Variants in SLC9A8 observed in about 807,000 individuals in gnomAD.
SLC9A8 encodes solute carrier family 9 member A8.
SLC9A8 carries 48 observed loss-of-function variants against 66.6 expected under a neutral mutation model. The observed-to-expected ratio is 0.72, with a 90% CI of 0.57 to 0.92. SLC9A8 has a LOEUF of 0.92. SLC9A8 is among the 40% of genes least tolerant of loss of function. SLC9A8 has a pLI of 0.00. For missense variants in SLC9A8, 599 were observed against 747.3 expected (o/e 0.80, Z 2.31); for synonymous variants, 274 against 282.6 (o/e 0.97, Z 0.31).
At chr20:49,866,183 C>T (rs907072802) in intron 10 of SLC9A8, among the ~76,000 whole-genome samples, 1 of 152,200 alleles carries the variant, frequency 6.6e-6, no homozygotes, top group Non-Finnish European at 1.5e-5. Flanking sequence ...TAAATGAAAT[C>T]ATGTGGTACG....
intron 3 of SLC9A8, among the ~76,000 whole-genome samples, chr20:49,831,657 G>A (rs1408314759): frequency 6.6e-6 from 1 of 152,192 alleles, no homozygotes; most frequent in Non-Finnish European, 1.5e-5. Context: ...GCCCAGATGA[G>A]CCAGACCAGA....
chr20:49,830,719 G>A (rs2087140740), intron 3 of SLC9A8: 1 of 699,334 alleles, frequency 1.4e-6, no homozygotes, highest in South Asian at 1.5e-5. Context: ...GGTGAAGTTG[G>A]CAACGCAGCC....
Position 49,884,084 on chromosome 20 carries a change from G to GT in SLC9A8, c.1491+19dup. On this transcript the variant is annotated intron_variant, in intron 14 of 15. Coordinates refer to ENST00000361573, the MANE Select transcript of SLC9A8 (RefSeq NM_015266.3). ...AGAAGATGGTTAGTACCATGCGCCT[G>GT]TGGGGGTGGGGCAGGGGGCTGGCCT... 1 of 1,608,862 alleles carries GT rather than the reference G, an allele frequency of 6.2e-7. No homozygotes were observed. Among genetic ancestry groups the GT allele is most frequent in the South Asian group, 1.1e-5 (1 of 90,966 alleles).
At chr20:49,831,186 T>C (rs1429446684) in intron 3 of SLC9A8, 7 of 441,376 alleles carry the variant, frequency 1.6e-5, no homozygotes. Flanking sequence ...CCAGCCCACC[T>C]GTCTCCATTT....
At chr20:49,875,030 G>A (rs548482793) in intron 11 of SLC9A8, among the ~76,000 whole-genome samples, 6 of 152,140 alleles carry the variant, frequency 3.9e-5, no homozygotes, top group South Asian at 2.1e-4. Flanking sequence ...AACATCTGGC[G>A]CCTACAATTT....
intron 2 of SLC9A8, 197 bp downstream of exon 2, chr20:49,815,386 C>T: frequency 2.4e-6 from 1 of 422,914 alleles, no homozygotes; most frequent in Non-Finnish European, 4.1e-6. Flanking sequence ...TGGTGCTTAG[C>T]AAGTTCTGAA....
At chr20:49,878,179 A>C in intron 12 of SLC9A8, 116 bp downstream of exon 12, 2 of 530,568 alleles carry the variant, frequency 3.8e-6, no homozygotes, top group Non-Finnish European at 6.2e-6. Context: ...CTACATAGAC[A>C]CTCTTTTGTT....
At chr20:49,834,006 T>A (rs1419773431) in intron 3 of SLC9A8, among the ~76,000 whole-genome samples, 2 of 151,742 alleles carry the variant, frequency 1.3e-5, no homozygotes, top group African/African-American at 4.8e-5. Context: ...CCCAGCACTT[T>A]GGGAGGCTGA....
Position 49,815,071 on chromosome 20 carries a change from G to A in SLC9A8, c.90G>A (p.Thr30=), listed in dbSNP as rs573582561. The A allele has an allele frequency of 4.4e-6, 7 of 1,608,962 alleles. No individual in the cohort carries two copies. The highest frequency in any genetic ancestry group is 3.4e-5 in the Admixed American group (2 of 59,124). ...CCCTCCACACCACCCTGGTTGTCAC[G>A]ACGAAACTGGTGCTCCCGACCCCTG... ...NVTLHTTLVV[T]TKLVLPTPGK... is the part of the protein sequence containing the mutation. Residue 30 remains threonine (T), a synonymous_variant, in exon 2 of 16, where the codon ACG becomes ACA. Transcript: ENST00000361573.
At chr20:49,845,186 TA>T in intron 5 of SLC9A8, 67 bp downstream of exon 5, 5 of 1,178,708 alleles carry the variant, frequency 4.2e-6, no homozygotes, top group Non-Finnish European at 6.4e-6. Context: ...GCAAGTTCCT[TA>T]AAAGCTTGGG....
chr20:49,851,867 A>G (rs1306805597), intron 7 of SLC9A8, among the ~76,000 whole-genome samples: 3 of 152,204 alleles, frequency 2.0e-5, no homozygotes, highest in African/African-American at 7.2e-5. Context: ...CCAGTAAAGG[A>G]AGGTATCACA....
At chr20:49,816,281 G>C (rs567824301) in intron 2 of SLC9A8, among the ~76,000 whole-genome samples, 2 of 152,120 alleles carry the variant, frequency 1.3e-5, no homozygotes, top group East Asian at 3.9e-4. Flanking sequence ...TTAGCTGGGC[G>C]TGGTGGTATG....
chr20:49,829,343 TC>T (rs2087068414), intron 3 of SLC9A8: 1 of 156,556 alleles, frequency 6.4e-6, no homozygotes, highest in Admixed American at 6.6e-5. Context: ...CATGGTGAAA[TC>T]CCGTCTATAC....
intron 3 of SLC9A8, among the ~76,000 whole-genome samples, chr20:49,837,542 A>AT (rs988427015): frequency 2.0e-5 from 3 of 151,600 alleles, no homozygotes. Flanking sequence ...TATCTATTCA[A>AT]TTTTTTTTAT....
At chr20:49,834,965 A>C (rs1457740342) in intron 3 of SLC9A8, among the ~76,000 whole-genome samples, 3 of 152,200 alleles carry the variant, frequency 2.0e-5, no homozygotes, top group African/African-American at 7.2e-5. Flanking sequence ...ATCAAATACA[A>C]ATTGAAACAT....
chr20:49,813,288 G>T (rs929000439), intron 1 of SLC9A8, among the ~76,000 whole-genome samples: 3 of 152,210 alleles, frequency 2.0e-5, no homozygotes, highest in African/African-American at 7.2e-5. Flanking sequence ...GAAGTCGTCC[G>T]GGTTCTCCAC....
rs189352381 is a variant in SLC9A8, at chr20:49,869,811, G to A, written c.959-4894G>A. 7.9e-3 allele frequency among the ~76,000 whole-genome samples: 1,163 copies of A among 146,910 alleles called. 15 individuals carry two copies. Among genetic ancestry groups the A allele is most frequent in the Non-Finnish European group, 8.9e-3 (594 of 67,038 alleles). ...TCCTGCCACTGCACTCTAGCCTGGC[G>A]ACAGAGCAAGACTCCATCTCAAAAA... is the stretch of plus-strand genomic sequence containing the variant. On this transcript the variant is annotated intron_variant, in intron 10 of 15. Transcript: ENST00000361573.
intron 10 of SLC9A8, among the ~76,000 whole-genome samples, chr20:49,868,188 T>C (rs569304371): frequency 3.9e-5 from 6 of 152,366 alleles, no homozygotes; most frequent in African/African-American, 1.4e-4. Flanking sequence ...TGCATCTGTT[T>C]GGAATCTGTG....
chr20:49,855,349 T>A, intron 7 of SLC9A8, 89 bp from the exon 8 acceptor site: 1 of 1,317,312 alleles, frequency 7.6e-7, no homozygotes, highest in Admixed American at 1.8e-5. Flanking sequence ...TATTGCTTTC[T>A]GTTAAATATG....
Sources: gnomAD v4.1 joint callset for allele counts (sites outside exome capture counted in the v4.1 genomes callset) on GRCh38, gnomAD v4.1.1 for gene constraint, MANE v1.5 for transcripts, NCBI Gene and HGNC (gene_info 2026-07-23, HGNC 2026-07-21) for gene names.